The following PRELID2 variants were observed in gnomAD, a reference collection of about 807,000 sequenced individuals.
The protein encoded by PRELID2 is PRELI domain containing 2, also known as PRELI domain-containing protein 2.
Under a neutral mutation model 28.4 loss-of-function variants are expected in PRELID2, and 25 were observed. That is an observed-to-expected ratio of 0.88 (90% CI 0.64 to 1.23). The LOEUF is 1.23. Ranked by LOEUF, PRELID2 falls within the 50% of genes most tolerant of loss-of-function variation. The pLI is 0.00. For synonymous variants in PRELID2, 76 were observed against 71.6 expected, an observed-to-expected ratio of 1.06 and a Z score of -0.31; for missense variants, 201 against 214.4, an observed-to-expected ratio of 0.94 and a Z score of 0.39.
At chr5:145,410,458 G>C in the PRELID2 span, among the ~76,000 whole-genome samples, 41 of 152,204 alleles carry the variant, frequency 2.7e-4, 1 homozygote, top group South Asian at 8.3e-3. Context: ...ACCAGAGACT[G>C]GATAATTTAT....
chr5:145,819,125 C>T (rs1754580386), intron 3 of PRELID2, among the ~76,000 whole-genome samples: 2 of 152,196 alleles, frequency 1.3e-5, no homozygotes, highest in Non-Finnish European at 2.9e-5. Flanking sequence ...CCTCCCCAGC[C>T]ATGTGGAACT....
chr5:145,813,047 TA>T (rs1754059274), intron 4 of PRELID2, among the ~76,000 whole-genome samples: 2 of 152,188 alleles, frequency 1.3e-5, no homozygotes, highest in South Asian at 4.1e-4. Context: ...AAAGGAAACT[TA>T]TTCTGAGCCC....
At chr5:145,542,032 C>G (rs1008331618) in intron 1 of PRELID2, among the ~76,000 whole-genome samples, 1 of 151,982 alleles carries the variant, frequency 6.6e-6, no homozygotes, top group Admixed American at 6.6e-5. Flanking sequence ...TATAGAAATA[C>G]AAAATTTATA....
intron 1 of PRELID2, among the ~76,000 whole-genome samples, chr5:145,591,961 C>T (rs1753235444): frequency 6.6e-6 from 1 of 152,168 alleles, no homozygotes; most frequent in Non-Finnish European, 1.5e-5. Context: ...CATTCTTCAC[C>T]TCTACCTCAT....
At chr5:145,336,498 C>A in the PRELID2 span, among the ~76,000 whole-genome samples, 107 of 151,904 alleles carry the variant, frequency 7.0e-4, 1 homozygote, top group African/African-American at 2.5e-3. Flanking sequence ...ATATGGCTAG[C>A]CAGTTTTCCC....
At chr5:145,701,386 GACA>G (rs1228440577) in intron 1 of PRELID2, among the ~76,000 whole-genome samples, 3 of 152,190 alleles carry the variant, frequency 2.0e-5, no homozygotes, top group South Asian at 2.1e-4. Flanking sequence ...AAAAATTTTA[GACA>G]ACATTATAAA....
the PRELID2 span, among the ~76,000 whole-genome samples, chr5:145,426,079 A>G: frequency 6.6e-6 from 1 of 152,212 alleles, no homozygotes; most frequent in Non-Finnish European, 1.5e-5. Flanking sequence ...CCTACTGGGA[A>G]AAGAAGGGGC....
intron 1 of PRELID2, among the ~76,000 whole-genome samples, chr5:145,739,855 C>A (rs1342917654): frequency 2.7e-5 from 4 of 150,378 alleles, no homozygotes; most frequent in African/African-American, 7.3e-5. Context: ...ACAATTTACT[C>A]AAAACCATTA....
the PRELID2 span, among the ~76,000 whole-genome samples, chr5:145,385,436 A>C: frequency 7.2e-5 from 11 of 152,200 alleles, no homozygotes; most frequent in African/African-American, 2.7e-4. Context: ...AGTGCCGCTC[A>C]GATGGTGTCT....
rs1232510179 is a variant in PRELID2 at position 145,760,243 on chromosome 5, T to TCTTA, written c.*289_*292dup. 1 of 152,086 alleles carries TCTTA rather than the reference T, an allele frequency of 6.6e-6. No individual in the cohort carries two copies. Among genetic ancestry groups the TCTTA allele is most frequent in the African/African-American group, 2.4e-5 (1 of 41,386 alleles). The allele number at this position is 152,086 out of a possible 1,614,324, so 9.4% of individuals were successfully genotyped here. A position where few individuals can be genotyped will look rare whatever the true frequency, so the allele number is the denominator to read the frequency against. On this transcript the variant is annotated 3_prime_UTR_variant, in exon 7 of 7. Coordinates refer to ENST00000683046, the MANE Select transcript of PRELID2 (RefSeq NM_205846.3). ...AACACCCTGAGGAAGGGCACACATATCTTACATGGTTCTTTTTTCCTTTAT... is the reference window on the plus strand; with the variant it reads ...AACACCCTGAGGAAGGGCACACATATCTTACTTACATGGTTCTTTTTTCCTTTAT...
the PRELID2 span, among the ~76,000 whole-genome samples, chr5:145,390,558 T>C: frequency 8.7e-4 from 133 of 152,158 alleles, 1 homozygote; most frequent in African/African-American, 3.2e-3. Context: ...ACTGGGATCC[T>C]CCCACCACAG....
rs79786678 is a variant in PRELID2 at position 145,689,979 on chromosome 5, T to C, written n.70+74952A>G. ...TCACCTTACTTCCAGTTTCCTTCTG[T>C]GGGGGTCTTTTTTTTTTTTTTTTTT... On this transcript the variant is annotated intron_variant and non_coding_transcript_variant, in intron 1 of 2. Coordinates refer to the PRELID2 transcript ENST00000510259. Among the ~76,000 whole-genome samples, 1,935 of 147,030 alleles carry C rather than the reference T, an allele frequency of 0.013. 125 individuals carry two copies. In the East Asian group the frequency reaches 0.2, roughly 15 times the overall value.
In PRELID2 at chr5:145,667,198, G is replaced by C. The variant is rs565618594; in HGVS notation, n.70+97733C>G. 2.0e-5 allele frequency among the ~76,000 whole-genome samples: 3 copies of C among 152,166 alleles called. No homozygotes were observed. In the East Asian group the frequency reaches 5.8e-4, roughly 29 times the overall value. On this transcript the variant is annotated intron_variant and non_coding_transcript_variant, in intron 1 of 2. Transcript: ENST00000510259. ...TGTATGAATATTAGCCTTTGAGTGG[G>C]TTATAATACCTTTAGTGGATATTTT... is the stretch of plus-strand genomic sequence containing the variant.
intron 1 of PRELID2, among the ~76,000 whole-genome samples, chr5:145,596,231 C>A (rs1753304627): frequency 6.6e-6 from 1 of 151,472 alleles, no homozygotes. Context: ...ATTTAAATTA[C>A]TTAATGACTT....
At chr5:145,721,133 A>C (rs1755978124) in intron 1 of PRELID2, among the ~76,000 whole-genome samples, 1 of 152,172 alleles carries the variant, frequency 6.6e-6, no homozygotes, top group African/African-American at 2.4e-5. Flanking sequence ...CTAGATTTTC[A>C]TATGTGTTTC....
At chr5:145,371,710 G>C in the PRELID2 span, among the ~76,000 whole-genome samples, 7 of 151,456 alleles carry the variant, frequency 4.6e-5, no homozygotes, top group Non-Finnish European at 1.0e-4. Flanking sequence ...TTGTACCTCT[G>C]GTAGAATTCA....
At chr5:145,613,916 T>C (rs934284283) in intron 1 of PRELID2, among the ~76,000 whole-genome samples, 10 of 152,308 alleles carry the variant, frequency 6.6e-5, no homozygotes, top group African/African-American at 2.4e-4. Flanking sequence ...AGAAGGGTTT[T>C]TCCAATGTTA....
intron 1 of PRELID2, among the ~76,000 whole-genome samples, chr5:145,700,034 G>A (rs1755371098): frequency 6.6e-6 from 1 of 152,108 alleles, no homozygotes; most frequent in Non-Finnish European, 1.5e-5. Flanking sequence ...ACATGGATAA[G>A]CACAGTCACA....
chr5:145,302,958 A>C, the PRELID2 span, among the ~76,000 whole-genome samples: 6 of 152,166 alleles, frequency 3.9e-5, no homozygotes, highest in African/African-American at 1.2e-4. Flanking sequence ...GGGGAGCATA[A>C]CACATATCTC....
Sources: allele counts gnomAD v4.1 joint callset (sites outside exome capture counted in the v4.1 genomes callset), GRCh38; gene constraint gnomAD v4.1.1; transcripts MANE v1.5; gene names NCBI Gene and HGNC (gene_info 2026-07-23, HGNC 2026-07-21).